Variants in TECPR1 observed in about 807,000 individuals in gnomAD.
The protein encoded by TECPR1 is tectonin beta-propeller repeat-containing protein 1.
Under a neutral mutation model 162.4 loss-of-function variants are expected in TECPR1, and 122 were observed. That is an observed-to-expected ratio of 0.75 (90% CI 0.65 to 0.87). The LOEUF (loss-of-function observed/expected upper bound fraction) is 0.87. TECPR1 is among the 40% of genes least tolerant of loss of function. The probability of loss-of-function intolerance (pLI) is 0.00; values close to 1 mark genes in which losing one functional copy is unlikely to be tolerated. For missense variants in TECPR1, 1,432 were observed against 1,618.2 expected (o/e 0.88, Z 1.97); for synonymous variants, 642 against 670.6 (o/e 0.96, Z 0.66).
chr7:98,231,289 C>T lies in TECPR1; in HGVS notation c.2059G>A (p.Glu687Lys). 1.2e-6 allele frequency: 2 copies of T among 1,612,768 alleles called. No homozygotes were observed. Among genetic ancestry groups the T allele is most frequent in the Non-Finnish European group, 1.7e-6 (2 of 1,179,548 alleles). Residue 687 changes from glutamate (E) to lysine (K), a missense_variant, in exon 14 of 26, where the codon GAG becomes AAG. Transcript: ENST00000447648. ...ACCGGCCACCTCTGCCGTGTCCGCTCAGGGGTGTACAGGGCAAAGGAGTGC... is the reference window on the plus strand; with the variant it reads ...ACCGGCCACCTCTGCCGTGTCCGCTTAGGGGTGTACAGGGCAAAGGAGTGC... ...TKHSFALYTP[E>K]RTRQRWPVRL...
Position 98,240,970 on chromosome 7 carries a change from A to AC in TECPR1, c.833-20dup. On this transcript the variant is annotated intron_variant, in intron 7 of 25. Transcript: ENST00000447648. The stretch of plus-strand genomic sequence containing the variant: ...GAACTTCCTACCGGGCCCCCAAGAA[A>AC]CCCCCAGTGGCCCCCATCAGCCTGG... 1 of 1,594,610 alleles carries AC rather than the reference A, an allele frequency of 6.3e-7. No individual in the cohort carries two copies. Among genetic ancestry groups the AC allele is most frequent in the South Asian group, 1.1e-5 (1 of 87,742 alleles).
intron 16 of TECPR1, chr7:98,228,535 T>C (rs1798337349): frequency 4.3e-6 from 1 of 232,548 alleles, no homozygotes; most frequent in Non-Finnish European, 8.7e-6. Context: ...AGGTCATTCC[T>C]GCCTCACACA....
chr7:98,246,285 T>TTA, intron 2 of TECPR1, 120 bp from the exon 3 acceptor site: 2 of 631,876 alleles, frequency 3.2e-6, no homozygotes, highest in Non-Finnish European at 5.2e-6. Flanking sequence ...TTTTTTTTTT[T>TTA]AGATGGAGTC....
At chr7:98,233,245 G>A (rs1407416793) in intron 11 of TECPR1, 176 bp downstream of exon 11, 1 of 948,252 alleles carries the variant, frequency 1.1e-6, no homozygotes, top group East Asian at 2.9e-5. Flanking sequence ...GCCTCGGGCT[G>A]GTCTCTGGAG....
chr7:98,238,666 C>T (rs1445047586), intron 8 of TECPR1, 56 bp from the exon 9 acceptor site: 32 of 1,437,160 alleles, frequency 2.2e-5, no homozygotes, highest in African/African-American at 2.8e-5. Flanking sequence ...ACAGACGGTT[C>T]GTTCGTTTAA....
At chr7:98,227,790 C>CCAGCCT (rs1221252594) in intron 17 of TECPR1, among the ~76,000 whole-genome samples, 1 of 140,888 alleles carries the variant, frequency 7.1e-6, no homozygotes, top group Non-Finnish European at 1.5e-5. Flanking sequence ...CCATGGCACT[C>CCAGCCT]CAGCCTGGGT....
chr7:98,229,964 C>G (rs936514755), intron 15 of TECPR1, among the ~76,000 whole-genome samples: 23 of 142,498 alleles, frequency 1.6e-4, no homozygotes, highest in African/African-American at 5.1e-4. Flanking sequence ...AGATCCCCCC[C>G]CCAGGGAACC....
At chr7:98,239,895 G>C (rs1471074166) in intron 8 of TECPR1, among the ~76,000 whole-genome samples, 1 of 152,096 alleles carries the variant, frequency 6.6e-6, no homozygotes, top group African/African-American at 2.4e-5. Context: ...CGGATCATGA[G>C]GTCAGGATAT....
At position 98,232,148 on chromosome 7, in the gene TECPR1, G is replaced by C. The variant is rs773930354; in HGVS notation, c.1819-189C>G. Reference sequence around the variant, plus strand: ...GCTGCCGGACACCCAATAGGTGCAGGCTGAGCCAGGGCTGTTCCGTACAAC... The same window carrying C: ...GCTGCCGGACACCCAATAGGTGCAGCCTGAGCCAGGGCTGTTCCGTACAAC... On this transcript the variant is annotated intron_variant, in intron 12 of 25. Transcript: ENST00000447648. This position sits in a 1 kb window ranked among gnomAD's most constrained non-coding sequence, Gnocchi z 4.6. Among the ~76,000 whole-genome samples, 111 of 152,258 alleles carry C rather than the reference G, an allele frequency of 7.3e-4. 1 individual carries two copies. Among genetic ancestry groups the C allele is most frequent in the Non-Finnish European group, 2.8e-4 (19 of 68,008 alleles).
At chr7:98,226,592 G>GC (rs1250877568) in intron 17 of TECPR1, 1 of 1,038,998 alleles carries the variant, frequency 9.6e-7, no homozygotes, top group East Asian at 9.4e-5. Context: ...CAGAGAGTTT[G>GC]TTGTTTCTAT....
chr7:98,246,175 G>A lies in TECPR1; in HGVS notation c.-19-10C>T. ...AGCGGCTGGAGGTAACCTGCGGCAG[G>A]AGGACGAGGGCCAGCGTTCAGGCTC... is the stretch of plus-strand genomic sequence containing the variant. On this transcript the variant is annotated splice_polypyrimidine_tract_variant and intron_variant, in intron 2 of 25. Coordinates refer to ENST00000447648, the MANE Select transcript of TECPR1 (RefSeq NM_015395.3). 6.6e-7 allele frequency: 1 copy of A among 1,524,382 alleles called. No individual in the cohort carries two copies. Among genetic ancestry groups the A allele is most frequent in the Non-Finnish European group, 8.9e-7 (1 of 1,127,236 alleles). 94.4% of individuals were successfully genotyped at this position (1,524,382 alleles called of 1,614,324 possible).
chr7:98,232,806 C>T lies in TECPR1; in HGVS notation c.1818+21G>A, dbSNP rs771160886. The T allele has an allele frequency of 1.2e-5, 18 of 1,528,280 alleles. No homozygotes were observed. The highest frequency in any genetic ancestry group is 8.4e-5 in the African/African-American group (6 of 71,560). The allele number at this position is 1,528,280 out of a possible 1,614,324, so 94.7% of individuals were successfully genotyped here. On this transcript the variant is annotated intron_variant, in intron 12 of 25. Transcript: ENST00000447648. This position sits in a 1 kb window ranked among gnomAD's most constrained non-coding sequence, Gnocchi z 4.6. ...GCTGGAAAAAAAAAAAAAATGCATG[C>T]GCAGCCACCGGGGCACCCACCTGCT... is the stretch of plus-strand genomic sequence containing the variant.
intron 1 of TECPR1, 46 bp from the exon 2 acceptor site, chr7:98,251,594 T>G (rs1799064608): frequency 6.6e-6 from 1 of 152,324 alleles, no homozygotes; most frequent in Non-Finnish European, 1.5e-5. Flanking sequence ...TAGTTGATTC[T>G]TTCCTGAAGA....
chr7:98,222,461 A>G lies in TECPR1; in HGVS notation c.2989T>C (p.Cys997Arg). 1 of 1,595,746 alleles carries G rather than the reference A, an allele frequency of 6.3e-7. No homozygotes were observed. The highest frequency in any genetic ancestry group is 1.1e-5 in the South Asian group (1 of 87,928). The change falls in exon 22 of 26, where the codon TGC (cysteine) becomes CGC (arginine). Residue 997 changes from cysteine (C) to arginine (R), a missense_variant. Cys to Arg is a radical substitution (Grantham distance 180). Transcript: ENST00000447648. ...CTTGCCACGGCCCACACCTGGTAGC[A>G]GGCCCCGATGGAGATGGAGGCGAAG... Reference protein sequence around the residue: ...QPFASISIGACYQVWAVARDG... With the variant: ...QPFASISIGARYQVWAVARDG...
At chr7:98,228,799 G>A (rs1584332170) in intron 16 of TECPR1, 1 of 478,180 alleles carries the variant, frequency 2.1e-6, no homozygotes, top group Non-Finnish European at 3.7e-6. Context: ...TGAGAGGCTG[G>A]ACATGCTGGT....
In TECPR1 at chr7:98,231,963, C is replaced by T. The variant is rs201832655; in HGVS notation, c.1819-4G>A. Reference sequence around the variant, plus strand: ...CCCCGGTCTTCACCCACACCGACTGCGCAGGCCGGGGCAGTGGACACCATC... The same window carrying T: ...CCCCGGTCTTCACCCACACCGACTGTGCAGGCCGGGGCAGTGGACACCATC... On this transcript the variant is annotated splice_polypyrimidine_tract_variant and splice_region_variant and intron_variant, in intron 12 of 25. Coordinates refer to ENST00000447648, the MANE Select transcript of TECPR1 (RefSeq NM_015395.3). The T allele has an allele frequency of 1.7e-4, 267 of 1,599,986 alleles. 1 individual carries two copies. The Admixed American group carries it at 2.1e-3, about 13-fold the overall frequency.
chr7:98,244,116 C>A (rs954017817), intron 5 of TECPR1, among the ~76,000 whole-genome samples: 2 of 151,380 alleles, frequency 1.3e-5, no homozygotes, highest in Non-Finnish European at 3.0e-5. Flanking sequence ...TCTCCCAGTC[C>A]CAGGGGCAGC....
chr7:98,221,231 G>A (rs1402508705), intron 23 of TECPR1, among the ~76,000 whole-genome samples: 3 of 152,132 alleles, frequency 2.0e-5, no homozygotes, highest in Non-Finnish European at 4.4e-5. Flanking sequence ...GAACTCAGTA[G>A]GTGGAGGTTG....
intron 24 of TECPR1, 23 bp from the exon 25 acceptor site, chr7:98,217,834 C>A: frequency 6.5e-7 from 1 of 1,545,106 alleles, no homozygotes; most frequent in Non-Finnish European, 8.8e-7. Flanking sequence ...CCCCATGAAG[C>A]CCTCAGCCCT....
Sources: gnomAD v4.1 joint callset for allele counts (sites outside exome capture counted in the v4.1 genomes callset) on GRCh38, gnomAD v4.1.1 for gene constraint, Gnocchi (gnomAD v3.1) non-coding constraint, MANE v1.5 for transcripts, NCBI Gene and HGNC (gene_info 2026-07-23, HGNC 2026-07-21) for gene names.